Variants in TMEM79 observed in about 807,000 individuals in gnomAD.
The protein encoded by TMEM79 is transmembrane protein 79.
In TMEM79, 30 loss-of-function variants were observed where a neutral mutation model predicts 31.2. The observed-to-expected ratio is 0.96, with a 90% CI of 0.72 to 1.30. The LOEUF is 1.30. Among genes scored for constraint, TMEM79 ranks in the 50% most tolerant of loss-of-function variants. The pLI is 0.00. For synonymous variants in TMEM79, 213 were observed against 229.5 expected, an observed-to-expected ratio of 0.93 and a Z score of 0.65; for missense variants, 509 against 528.2, an observed-to-expected ratio of 0.96 and a Z score of 0.36.
At chr1:156,284,725 G>T (rs150621273) in intron 1 of TMEM79, among the ~76,000 whole-genome samples, 2 of 152,312 alleles carry the variant, frequency 1.3e-5, no homozygotes, top group East Asian at 3.9e-4. Context: ...ATGCAGGAGG[G>T]TTCCAAGCAG....
At chr1:156,286,101 A>AC in intron 2 of TMEM79, 118 bp downstream of exon 2, 1 of 1,448,176 alleles carries the variant, frequency 6.9e-7, no homozygotes, top group Non-Finnish European at 9.4e-7. Flanking sequence ...AGGGTCTCCC[A>AC]CCCCCTGCCA....
chr1:156,285,994 G>C lies in TMEM79; in HGVS notation c.757+11G>C. The C allele has an allele frequency of 6.3e-7, 1 of 1,591,092 alleles. No individual in the cohort carries two copies. Among genetic ancestry groups the C allele is most frequent in the Non-Finnish European group, 8.6e-7 (1 of 1,168,568 alleles). ...TCCCCATTGTGCTGGGTGAGCCTGTGAGAAGAAAGGGGGCATCGGGAAGTG... is the reference window on the plus strand; with the variant it reads ...TCCCCATTGTGCTGGGTGAGCCTGTCAGAAGAAAGGGGGCATCGGGAAGTG... On this transcript the variant is annotated intron_variant, in intron 2 of 3. Transcript: ENST00000405535.
At chr1:156,287,768 C>G (rs1011593878) in intron 3 of TMEM79, among the ~76,000 whole-genome samples, 2 of 152,028 alleles carry the variant, frequency 1.3e-5, no homozygotes, top group Non-Finnish European at 2.9e-5. Flanking sequence ...AGGCGCCCAC[C>G]ACCAGGCCCA....
chr1:156,283,039 G>A (rs992657012), upstream of TMEM79: 4 of 452,850 alleles, frequency 8.8e-6, no homozygotes, highest in Non-Finnish European at 3.9e-6. Flanking sequence ...CCACTGAGGC[G>A]GCCAAAGCTT....
intron 1 of TMEM79, among the ~76,000 whole-genome samples, 154 bp from the exon 2 acceptor site, chr1:156,285,030 T>C (rs1458645838): frequency 2.6e-5 from 4 of 152,164 alleles, no homozygotes; most frequent in Non-Finnish European, 5.9e-5. Flanking sequence ...CTCCCTCTGT[T>C]TCAGTGTCTT....
rs777041657 is a variant in TMEM79 at position 156,291,593 on chromosome 1, G to T, written c.1180G>T (p.Gly394Cys). ...SASDYRPRPW[G>C] Reference sequence around the variant, plus strand: ...CTCCGACTACAGGCCCCGCCCCTGGGGCTGAGCCTCTCCGCCCTCGCCCTC... The same window carrying T: ...CTCCGACTACAGGCCCCGCCCCTGGTGCTGAGCCTCTCCGCCCTCGCCCTC... Residue 394 changes from glycine (G) to cysteine (C), a missense_variant, in exon 4 of 4, where the codon GGC (glycine) becomes TGC (cysteine). Gly to Cys is a radical substitution (Grantham distance 159, BLOSUM62 -3). Coordinates refer to ENST00000405535, the MANE Select transcript of TMEM79 (RefSeq NM_032323.3). 6.2e-7 allele frequency: 1 copy of T among 1,611,692 alleles called. No individual in the cohort carries two copies. The highest frequency in any genetic ancestry group is 8.5e-7 in the Non-Finnish European group (1 of 1,179,894).
intron 1 of TMEM79, among the ~76,000 whole-genome samples, chr1:156,284,764 G>A (rs1298513681): frequency 6.6e-6 from 1 of 152,128 alleles, no homozygotes; most frequent in Non-Finnish European, 1.5e-5. Flanking sequence ...CAGTGGAGAG[G>A]AAGCTTCTCT....
chr1:156,291,358 A>G, intron 3 of TMEM79, 27 bp from the exon 4 acceptor site: 1 of 1,609,758 alleles, frequency 6.2e-7, no homozygotes, highest in Non-Finnish European at 8.5e-7. Flanking sequence ...CCTCGAGAGT[A>G]GCCTGACCCT....
rs1663218289 is a variant in TMEM79, at chr1:156,288,098, C to T, written c.971+1625C>T. On this transcript the variant is annotated intron_variant, in intron 3 of 3. Transcript: ENST00000405535. ...GGTGCGGTGGCGAGCGCCTACAGTC[C>T]CAACTACTCGGGAGGCTGAGGCAGG... 2.6e-5 allele frequency among the ~76,000 whole-genome samples: 4 copies of T among 151,434 alleles called. No individual in the cohort carries two copies. The South Asian group carries it at 8.3e-4, about 32-fold the overall frequency.
intron 3 of TMEM79, among the ~76,000 whole-genome samples, chr1:156,288,833 G>A (rs887846669): frequency 2.0e-5 from 3 of 152,152 alleles, no homozygotes; most frequent in Non-Finnish European, 4.4e-5. Flanking sequence ...TCCTGCTCAT[G>A]TAACTTAGCC....
chr1:156,283,016 A>G, upstream of TMEM79: 1 of 501,546 alleles, frequency 2.0e-6, no homozygotes. Context: ...CTATCAGAGA[A>G]CGGACAGTGT....
intron 3 of TMEM79, chr1:156,290,380 GA>G (rs577351492): frequency 6.6e-6 from 1 of 151,468 alleles, no homozygotes; most frequent in South Asian, 2.1e-4. Context: ...AAAAATAAAA[GA>G]AAAAAATCTG....
At chr1:156,289,053 T>C (rs2101592027) in intron 3 of TMEM79, among the ~76,000 whole-genome samples, 1 of 152,356 alleles carries the variant, frequency 6.6e-6, no homozygotes, top group Middle Eastern at 3.4e-3. Context: ...TTTCCTCTCT[T>C]ATCCAGGGTC....
At position 156,291,626 on chromosome 1, in the gene TMEM79, G is replaced by C. The variant is rs200449021; in HGVS notation, c.*28G>C. The stretch of plus-strand genomic sequence containing the variant: ...CTCTCCGCCCTCGCCCTCGGAGTAG[G>C]GGGTAGCGGCTTGGGTCTGACACAT... On this transcript the variant is annotated 3_prime_UTR_variant, in exon 4 of 4. Coordinates refer to ENST00000405535, the MANE Select transcript of TMEM79 (RefSeq NM_032323.3). The C allele has an allele frequency of 3.9e-5, 63 of 1,604,386 alleles. No individual in the cohort carries two copies. Among genetic ancestry groups the C allele is most frequent in the Admixed American group, 2.8e-4 (17 of 59,936 alleles).
rs1286160631 is a variant in TMEM79, at chr1:156,291,625, G to A, written c.*27G>A. The A allele has an allele frequency of 1.2e-6, 2 of 1,604,618 alleles. No homozygotes were observed. The highest frequency in any genetic ancestry group is 1.7e-6 in the Non-Finnish European group (2 of 1,173,234). On this transcript the variant is annotated 3_prime_UTR_variant, in exon 4 of 4. Transcript: ENST00000405535. ...CCTCTCCGCCCTCGCCCTCGGAGTA[G>A]GGGGTAGCGGCTTGGGTCTGACACA...
chr1:156,283,030 C>T (rs1457802824), upstream of TMEM79: 2 of 465,858 alleles, frequency 4.3e-6, no homozygotes, highest in East Asian at 6.7e-5. Flanking sequence ...ACAGTGTACC[C>T]ACTGAGGCGG....
chr1:156,286,987 G>T (rs994960263), intron 3 of TMEM79, among the ~76,000 whole-genome samples: 2 of 152,130 alleles, frequency 1.3e-5, no homozygotes, highest in African/African-American at 4.8e-5. Flanking sequence ...GCTGGGCATG[G>T]TGGTGCACAC....
At chr1:156,283,442 C>T (rs192499636), upstream of TMEM79, among the ~76,000 whole-genome samples, 2 of 152,318 alleles carry the variant, frequency 1.3e-5, no homozygotes, top group African/African-American at 2.4e-5. Flanking sequence ...AAGCTAGACA[C>T]TATCCCTGCC....
At chr1:156,286,146 A>G (rs772951756) in intron 2 of TMEM79, 114 bp from the exon 3 acceptor site, 132 of 1,367,780 alleles carry the variant, frequency 9.7e-5, no homozygotes, top group Non-Finnish European at 1.3e-4. Context: ...GACCACCTCC[A>G]CCCCACTGTG....
Sources: allele counts gnomAD v4.1 joint callset (sites outside exome capture counted in the v4.1 genomes callset), GRCh38; gene constraint gnomAD v4.1.1; transcripts MANE v1.5; gene names NCBI Gene and HGNC (gene_info 2026-07-23, HGNC 2026-07-21).